Variants in MKLN1 observed in about 807,000 individuals in gnomAD.
MKLN1 encodes the protein muskelin 1, also known as muskelin.
In MKLN1, 18 loss-of-function variants were observed where a neutral mutation model predicts 99.0. The ratio of observed to expected loss-of-function variants is 0.18; its 90% CI spans 0.13 to 0.27. MKLN1 has a LOEUF of 0.27. MKLN1 is among the 10% of genes least tolerant of loss of function. The pLI, the probability that MKLN1 is intolerant of heterozygous loss-of-function variation, is 1.00. For missense variants in MKLN1, 621 were observed against 875.9 expected, an observed-to-expected ratio of 0.71 and a Z score of 3.67; for synonymous variants, 288 against 293.2, an observed-to-expected ratio of 0.98 and a Z score of 0.18.
At chr7:131,440,708 G>A (rs1226413051) in intron 10 of MKLN1, among the ~76,000 whole-genome samples, 1 of 117,552 alleles carries the variant, frequency 8.5e-6, no homozygotes, top group Non-Finnish European at 1.9e-5. Context: ...AGGCAGAGGA[G>A]AGCCAACATA....
chr7:131,185,248 G>A (rs749408133), intron 2 of MKLN1, among the ~76,000 whole-genome samples: 3 of 152,018 alleles, frequency 2.0e-5, no homozygotes, highest in Non-Finnish European at 2.9e-5. Flanking sequence ...GGTACCACTG[G>A]ACAACCTATG....
intron 1 of MKLN1, among the ~76,000 whole-genome samples, chr7:131,366,248 T>C (rs956365848): frequency 6.6e-6 from 1 of 152,166 alleles, no homozygotes; most frequent in African/African-American, 2.4e-5. Flanking sequence ...TTCAGATCCA[T>C]TTTATCATAT....
At chr7:131,463,084 A>C (rs1796562896) in intron 12 of MKLN1, 133 bp from the exon 13 acceptor site, 2 of 708,702 alleles carry the variant, frequency 2.8e-6, no homozygotes, top group South Asian at 1.8e-5. Flanking sequence ...GTTGTGCCTC[A>C]CTGCACTTCA....
At chr7:131,183,335 G>T (rs1584815063) in intron 2 of MKLN1, among the ~76,000 whole-genome samples, 1 of 152,226 alleles carries the variant, frequency 6.6e-6, no homozygotes, top group East Asian at 1.9e-4. Flanking sequence ...GCTTTCTGAG[G>T]ACCTATACTC....
At chr7:131,115,587 G>A (rs1451121108) in intron 1 of MKLN1, among the ~76,000 whole-genome samples, 1 of 151,966 alleles carries the variant, frequency 6.6e-6, no homozygotes, top group Non-Finnish European at 1.5e-5. Context: ...TCTGCTGATG[G>A]CACCTGTGAT....
intron 3 of MKLN1, among the ~76,000 whole-genome samples, chr7:131,251,310 A>G (rs1797574914): frequency 6.6e-6 from 1 of 152,200 alleles, no homozygotes; most frequent in Non-Finnish European, 1.5e-5. Context: ...ATTGTGCTGC[A>G]ACAACACTGC....
intron 4 of MKLN1, among the ~76,000 whole-genome samples, chr7:131,392,390 G>T (rs439234): frequency 4.6e-5 from 7 of 152,140 alleles, no homozygotes; most frequent in Non-Finnish European, 1.0e-4. Context: ...AAGCCCTTTA[G>T]GAGAGCATGT....
intron 2 of MKLN1, among the ~76,000 whole-genome samples, chr7:131,179,308 G>A (rs1796344930): frequency 6.6e-6 from 1 of 152,134 alleles, no homozygotes; most frequent in Non-Finnish European, 1.5e-5. Flanking sequence ...TCTTGATGGA[G>A]GTGCTGTGTG....
chr7:131,375,004 C>T (rs958718126), intron 1 of MKLN1, among the ~76,000 whole-genome samples: 14 of 149,690 alleles, frequency 9.4e-5, no homozygotes, highest in African/African-American at 3.2e-4. Flanking sequence ...TATTCACAGA[C>T]ATGATCCATC....
At chr7:131,320,258 C>A (rs555676995) in intron 3 of MKLN1, among the ~76,000 whole-genome samples, 1 of 152,044 alleles carries the variant, frequency 6.6e-6, no homozygotes, top group Non-Finnish European at 1.5e-5. Context: ...AGAACAGAGA[C>A]CTCAGAAATA....
In MKLN1 at chr7:131,192,284, T is replaced by A. The variant is rs1584822623; in HGVS notation, c.-296-10573T>A. ...ACAATATATAAATATATAAAATATATAATATATACAATATATAAATATATA... is the reference window on the plus strand; with the variant it reads ...ACAATATATAAATATATAAAATATAAAATATATACAATATATAAATATATA... On this transcript the variant is annotated intron_variant, in intron 2 of 7. Coordinates refer to the MKLN1 transcript ENST00000416992. 2.5e-5 allele frequency among the ~76,000 whole-genome samples: 2 copies of A among 80,644 alleles called. 1 individual carries two copies. The highest frequency in any genetic ancestry group is 8.8e-4 in the South Asian group (2 of 2,280). The allele number at this position is 80,644 out of a possible 152,430, so 52.9% of individuals were successfully genotyped here. A position where few individuals can be genotyped will look rare whatever the true frequency, so the allele number is the denominator to read the frequency against.
At chr7:131,168,903 T>C (rs568230921) in intron 2 of MKLN1, among the ~76,000 whole-genome samples, 73 of 151,454 alleles carry the variant, frequency 4.8e-4, no homozygotes, top group Middle Eastern at 3.4e-3. Context: ...CATCTAGCTC[T>C]TCCACCTAGG....
chr7:131,315,698 T>C (rs1584593024), intron 3 of MKLN1, among the ~76,000 whole-genome samples: 1 of 152,050 alleles, frequency 6.6e-6, no homozygotes, highest in Non-Finnish European at 1.5e-5. Context: ...CCTGGGACAA[T>C]TGAGCTTGGT....
At position 131,375,316 on chromosome 7, in the gene MKLN1, C is replaced by G; in HGVS notation, c.99-108C>G. ...CTCTGTTTTGTTTTCTATTCTTATT[C>G]AAGTTCCAAACATTACATAACTTTA... On this transcript the variant is annotated intron_variant, in intron 1 of 17. Coordinates refer to ENST00000352689, the MANE Select transcript of MKLN1 (RefSeq NM_013255.5). 5.9e-6 allele frequency: 4 copies of G among 676,638 alleles called. No individual in the cohort carries two copies. Among genetic ancestry groups the G allele is most frequent in the Non-Finnish European group, 1.1e-5 (4 of 379,856 alleles). The allele number at this position is 676,638 out of a possible 1,614,324, so 41.9% of individuals were successfully genotyped here.
intron 3 of MKLN1, among the ~76,000 whole-genome samples, chr7:131,248,439 A>G (rs1563266448): frequency 6.6e-6 from 1 of 152,160 alleles, no homozygotes; most frequent in East Asian, 1.9e-4. Context: ...CTGAGCATAG[A>G]TGCAACAACA....
At chr7:131,455,374 A>T (rs547016960) in intron 12 of MKLN1, among the ~76,000 whole-genome samples, 1 of 152,266 alleles carries the variant, frequency 6.6e-6, no homozygotes, top group East Asian at 1.9e-4. Context: ...TATAGATAAA[A>T]TTTTTTTACT....
At chr7:131,202,567 A>C (rs1166222695) in intron 2 of MKLN1, among the ~76,000 whole-genome samples, 1 of 152,138 alleles carries the variant, frequency 6.6e-6, no homozygotes, top group Non-Finnish European at 1.5e-5. Context: ...AGACCAGATC[A>C]TTCTTTGTTC....
intron 12 of MKLN1, among the ~76,000 whole-genome samples, chr7:131,451,447 G>A (rs1328531406): frequency 6.6e-6 from 1 of 151,934 alleles, no homozygotes; most frequent in Non-Finnish European, 1.5e-5. Context: ...AGATGGTATA[G>A]CTAATAGTAA....
intron 1 of MKLN1, among the ~76,000 whole-genome samples, chr7:131,359,724 G>A (rs1034227328): frequency 5.9e-5 from 9 of 151,546 alleles, no homozygotes; most frequent in Admixed American, 2.0e-4. Flanking sequence ...ATTATTTAAT[G>A]CCTCTTTTAT....
Sources: gnomAD v4.1 joint callset for allele counts (sites outside exome capture counted in the v4.1 genomes callset) on GRCh38, gnomAD v4.1.1 for gene constraint, MANE v1.5 for transcripts, NCBI Gene and HGNC (gene_info 2026-07-23, HGNC 2026-07-21) for gene names.